Variants in UGT2B4 observed in about 807,000 individuals in gnomAD.
UGT2B4 encodes the protein UDP glucuronosyltransferase family 2 member B4.
Under a neutral mutation model 49.8 loss-of-function variants are expected in UGT2B4, and 49 were observed. The observed-to-expected ratio is 0.98, with a 90% confidence interval of 0.78 to 1.25. The LOEUF (loss-of-function observed/expected upper bound fraction) is 1.25. Ranked by LOEUF, UGT2B4 falls within the 50% of genes most tolerant of loss-of-function variation. The pLI, the probability that UGT2B4 is intolerant of heterozygous loss-of-function variation, is 0.00. For missense variants in UGT2B4, 729 were observed against 627.7 expected, an observed-to-expected ratio of 1.16 and a Z score of -1.73; for synonymous variants, 246 against 217.7, an observed-to-expected ratio of 1.13 and a Z score of -1.14.
intron 2 of UGT2B4, among the ~76,000 whole-genome samples, chr4:69,490,619 G>A (rs964820187): frequency 2.0e-5 from 3 of 152,090 alleles, no homozygotes; most frequent in Admixed American, 6.6e-5. Context: ...AATCATTGGG[G>A]TAAAACTTTT....
chr4:69,485,430 A>G lies in UGT2B4; in HGVS notation c.1091-3T>C, dbSNP rs371504267. Reference sequence around the variant, plus strand: ...AAAAGCTCTGGTTTTTGGGTGACCTAGGATTGGATGAATTTTAGCAAAATT... The same window carrying G: ...AAAAGCTCTGGTTTTTGGGTGACCTGGGATTGGATGAATTTTAGCAAAATT... On this transcript the variant is annotated splice_region_variant and splice_polypyrimidine_tract_variant and intron_variant, in intron 4 of 5. Transcript: ENST00000305107. The G allele has an allele frequency of 2.0e-5, 33 of 1,613,512 alleles. No homozygotes were observed. Among genetic ancestry groups the G allele is most frequent in the Non-Finnish European group, 2.8e-5 (33 of 1,179,710 alleles).
At chr4:69,483,802 T>G (rs1174901465) in intron 5 of UGT2B4, among the ~76,000 whole-genome samples, 1 of 152,034 alleles carries the variant, frequency 6.6e-6, no homozygotes, top group Non-Finnish European at 1.5e-5. Flanking sequence ...TATCAAAAAT[T>G]TTACTCACTA....
chr4:69,515,687 GA>G (rs754702076), intron 1 of UGT2B4, among the ~76,000 whole-genome samples: 2 of 151,850 alleles, frequency 1.3e-5, no homozygotes, highest in Non-Finnish European at 2.9e-5. Flanking sequence ...ATACAGACGT[GA>G]AAAATCACTT....
chr4:69,489,322 A>C, intron 3 of UGT2B4, 117 bp downstream of exon 3: 8 of 1,367,536 alleles, frequency 5.8e-6, no homozygotes, highest in Non-Finnish European at 8.0e-6. Flanking sequence ...ATCTGAGATA[A>C]TTAGTGCTTT....
At chr4:69,481,747 A>G in intron 5 of UGT2B4, among the ~76,000 whole-genome samples, 1 of 152,190 alleles carries the variant, frequency 6.6e-6, no homozygotes, top group East Asian at 1.9e-4. Flanking sequence ...GGTAAAAGAT[A>G]TACACCTTAA....
At chr4:69,512,876 T>C (rs1014675563) in intron 1 of UGT2B4, among the ~76,000 whole-genome samples, 1 of 152,196 alleles carries the variant, frequency 6.6e-6, no homozygotes, top group Non-Finnish European at 1.5e-5. Context: ...GCCCTATATA[T>C]GTCTTCTTTT....
At chr4:69,484,942 T>A (rs1480749224) in intron 5 of UGT2B4, among the ~76,000 whole-genome samples, 1 of 152,196 alleles carries the variant, frequency 6.6e-6, no homozygotes, top group African/African-American at 2.4e-5. Flanking sequence ...TTACGTCAAA[T>A]TTATTTTAAA....
intron 1 of UGT2B4, among the ~76,000 whole-genome samples, chr4:69,521,157 A>G (rs1021834363): frequency 1.3e-5 from 2 of 152,102 alleles, no homozygotes; most frequent in African/African-American, 4.8e-5. Flanking sequence ...TTGCTCACCC[A>G]CCATTTGACT....
intron 1 of UGT2B4, among the ~76,000 whole-genome samples, chr4:69,523,285 T>C (rs1728886660): frequency 6.6e-6 from 1 of 151,924 alleles, no homozygotes. Flanking sequence ...AATTACAATT[T>C]AAGATAGCAA....
At chr4:69,498,903 C>T (rs1577892930), upstream of UGT2B4, among the ~76,000 whole-genome samples, 1 of 152,076 alleles carries the variant, frequency 6.6e-6, no homozygotes, top group African/African-American at 2.4e-5. Flanking sequence ...TTGTCTTCTG[C>T]TAGCTTTGGG....
At chr4:69,502,443 T>C (rs1728366492) in intron 1 of UGT2B4, among the ~76,000 whole-genome samples, 1 of 151,778 alleles carries the variant, frequency 6.6e-6, no homozygotes, top group African/African-American at 2.4e-5. Context: ...GGTACAGAGC[T>C]ATTCGGAAAA....
intron 1 of UGT2B4, among the ~76,000 whole-genome samples, chr4:69,519,553 G>C (rs1728802000): frequency 6.6e-6 from 1 of 152,188 alleles, no homozygotes; most frequent in Non-Finnish European, 1.5e-5. Flanking sequence ...AAGTCAAAGT[G>C]AACAGCCAAG....
chr4:69,525,811 A>T (rs916138822), exon 1 of UGT2B4: 2 of 1,078,756 alleles, frequency 1.9e-6, no homozygotes, highest in Admixed American at 2.8e-5. Flanking sequence ...TATTAAAGAA[A>T]GGGCTCCAGG....
chr4:69,500,661 GAAA>G (rs1560438431), upstream of UGT2B4, among the ~76,000 whole-genome samples: 193 of 117,748 alleles, frequency 1.6e-3, 1 homozygote, highest in Non-Finnish European at 1.9e-3. Flanking sequence ...AAGAAAGAAA[GAAA>G]GAAAGGAAGG....
chr4:69,493,194 C>T (rs1374646468), intron 2 of UGT2B4, among the ~76,000 whole-genome samples: 1 of 152,058 alleles, frequency 6.6e-6, no homozygotes, highest in East Asian at 1.9e-4. Context: ...TATAGTTCAG[C>T]TCTCATCTAA....
Position 69,489,566 on chromosome 4 carries a change from ATTTCCTGTG to A in UGT2B4, c.871-5_874del. ...TCCAGAGCTCTGGACAAACTCTTCCATTTCCTGTGAAAAAAAAGAATTTGTTCTATCATA... is the reference window on the plus strand; with the variant it reads ...TCCAGAGCTCTGGACAAACTCTTCCAAAAAAAAAGAATTTGTTCTATCATA... On this transcript the variant is annotated splice_acceptor_variant and splice_polypyrimidine_tract_variant and coding_sequence_variant and intron_variant, in exon 3 of 6. Coordinates refer to ENST00000305107, the MANE Select transcript of UGT2B4 (RefSeq NM_021139.3). LOFTEE classifies it high-confidence loss of function. The A allele has an allele frequency of 6.2e-7, 1 of 1,603,916 alleles. No individual in the cohort carries two copies. The highest frequency in any genetic ancestry group is 1.4e-5 in the African/African-American group (1 of 73,994).
intron 1 of UGT2B4, among the ~76,000 whole-genome samples, chr4:69,504,637 G>A (rs748606858): frequency 6.6e-6 from 1 of 151,292 alleles, no homozygotes; most frequent in Non-Finnish European, 1.5e-5. Context: ...TGGAGTGCCT[G>A]AAAGATATGG....
upstream of UGT2B4, among the ~76,000 whole-genome samples, chr4:69,500,606 G>GCAAGAAAGCAAGAAGAAAGAAAGAAAGA (rs1553896493): frequency 3.0e-5 from 3 of 99,510 alleles, 1 homozygote; most frequent in Admixed American, 1.1e-4. Context: ...AGAAAGCAAG[G>GCAAGAAAGCAAGAAGAAAGAAAGAAAGA]AAGAAAGAAA....
At chr4:69,486,841 A>G in intron 3 of UGT2B4, 145 bp from the exon 4 acceptor site, 2 of 494,210 alleles carry the variant, frequency 4.0e-6, no homozygotes, top group East Asian at 3.6e-5. Context: ...GAATACTCAT[A>G]TTTCATTTCC....
Sources: gnomAD v4.1 joint callset for allele counts (sites outside exome capture counted in the v4.1 genomes callset) on GRCh38, gnomAD v4.1.1 for gene constraint, MANE v1.5 for transcripts, NCBI Gene and HGNC (gene_info 2026-07-23, HGNC 2026-07-21) for gene names.